GLIS3: variants seen among roughly 807,000 people sequenced by gnomAD.
GLIS3 encodes the protein zinc finger protein GLIS3.
A neutral mutation model predicts 78.6 loss-of-function variants in GLIS3; 53 were observed. That is an observed-to-expected ratio of 0.67 (90% CI 0.54 to 0.85). The LOEUF is 0.85. GLIS3 is among the 40% of genes least tolerant of loss of function. The probability of loss-of-function intolerance (pLI) is 0.00; values close to 1 mark genes in which losing one functional copy is unlikely to be tolerated. For missense variants in GLIS3, 1,703 were observed against 1,231.1 expected (o/e 1.38, Z -5.74); for synonymous variants, 684 against 509.9 (o/e 1.34, Z -4.60).
chr9:4,162,616 T>C lies in GLIS3; in HGVS notation c.389-36675A>G, dbSNP rs1055948265. On this transcript the variant is annotated intron_variant, in intron 2 of 10. Coordinates refer to ENST00000381971, the MANE Select transcript of GLIS3 (RefSeq NM_001042413.2). Reference sequence around the variant, plus strand: ...GGCTCACGCCTGTAATCCCAGCACTTTGGGAGGCCGAGGTGGGCAGATCAC... The same window carrying C: ...GGCTCACGCCTGTAATCCCAGCACTCTGGGAGGCCGAGGTGGGCAGATCAC... Among the ~76,000 whole-genome samples the C allele has an allele frequency of 5.9e-5, 9 of 152,124 alleles. No individual in the cohort carries two copies. The South Asian group carries it at 1.7e-3, about 28-fold the overall frequency.
chr9:3,881,618 T>C (rs1821734405), intron 7 of GLIS3, among the ~76,000 whole-genome samples: 1 of 152,202 alleles, frequency 6.6e-6, no homozygotes. Flanking sequence ...TTAGGACCTC[T>C]CTTTCATCCC....
chr9:3,987,395 C>T (rs1036913478), intron 4 of GLIS3, among the ~76,000 whole-genome samples: 10 of 151,788 alleles, frequency 6.6e-5, no homozygotes, highest in Non-Finnish European at 1.5e-4. Flanking sequence ...AGAGTAGAAC[C>T]GAAAGAGTAT....
chr9:4,060,313 A>G (rs1447035558), intron 4 of GLIS3, among the ~76,000 whole-genome samples: 2 of 152,030 alleles, frequency 1.3e-5, no homozygotes, highest in East Asian at 1.9e-4. Context: ...TTGAACCTCA[A>G]ATCTGGTTCC....
intron 6 of GLIS3, among the ~76,000 whole-genome samples, chr9:3,920,510 C>T (rs1479868311): frequency 2.0e-5 from 3 of 151,350 alleles, no homozygotes; most frequent in Non-Finnish European, 4.4e-5. Context: ...TTCCTCAGTT[C>T]ATTTATGCTA....
chr9:4,246,533 T>C (rs1316536171), intron 2 of GLIS3, among the ~76,000 whole-genome samples: 1 of 152,178 alleles, frequency 6.6e-6, no homozygotes, highest in East Asian at 1.9e-4. Context: ...ATGTCTAATG[T>C]CTCCCTTAAA....
chr9:4,059,372 C>T (rs1826430469), intron 4 of GLIS3, among the ~76,000 whole-genome samples: 3 of 152,224 alleles, frequency 2.0e-5, no homozygotes, highest in African/African-American at 7.2e-5. Flanking sequence ...CTCTGCACTG[C>T]TGCTCTGCTT....
chr9:4,318,761 G>C (rs149350195), intron 2 of GLIS3, among the ~76,000 whole-genome samples: 4 of 152,146 alleles, frequency 2.6e-5, no homozygotes. Context: ...AGATGAAGAT[G>C]ACAGTCTTCA....
chr9:3,876,064 C>T (rs1701790648), intron 8 of GLIS3, among the ~76,000 whole-genome samples: 2 of 152,248 alleles, frequency 1.3e-5, no homozygotes, highest in South Asian at 2.1e-4. Context: ...TTTATTTAAT[C>T]CTAATTCCCC....
chr9:4,276,697 A>C (rs1827065414), intron 2 of GLIS3, among the ~76,000 whole-genome samples: 1 of 152,204 alleles, frequency 6.6e-6, no homozygotes, highest in Non-Finnish European at 1.5e-5. Flanking sequence ...TATAAGACTG[A>C]AACCCCCTTT....
At chr9:4,145,837 G>T (rs1260202988) in intron 2 of GLIS3, among the ~76,000 whole-genome samples, 1 of 151,974 alleles carries the variant, frequency 6.6e-6, no homozygotes, top group Non-Finnish European at 1.5e-5. Flanking sequence ...TCTTCTCTGG[G>T]AAGTGCATAC....
the GLIS3 span, among the ~76,000 whole-genome samples, chr9:4,471,403 G>C: frequency 0.73 from 110,433 of 152,004 alleles, 40,475 homozygotes; most frequent in Middle Eastern, 0.84. Flanking sequence ...GGTACCAAAA[G>C]AGAGATATAG....
rs142278415 is a variant in GLIS3 at position 4,244,495 on chromosome 9, G to C, written c.388+41543C>G. Among the ~76,000 whole-genome samples the C allele has an allele frequency of 5.0e-3, 762 of 152,302 alleles. 8 individuals are homozygous for C. Among genetic ancestry groups the C allele is most frequent in the African/African-American group, 0.018 (731 of 41,564 alleles). On this transcript the variant is annotated intron_variant, in intron 2 of 10. Transcript: ENST00000381971. The stretch of plus-strand genomic sequence containing the variant: ...TATTCTGAAAACTACATTGGAAAGA[G>C]TTTTTTTAAGGTGAACTGCTTTTTT...
chr9:4,139,847 G>A (rs759938629), intron 2 of GLIS3, among the ~76,000 whole-genome samples: 2 of 152,174 alleles, frequency 1.3e-5, no homozygotes, highest in Non-Finnish European at 2.9e-5. Flanking sequence ...GGCGAAGCTT[G>A]GGCTGTAATG....
intron 4 of GLIS3, among the ~76,000 whole-genome samples, chr9:4,061,133 G>A (rs1297237369): frequency 6.6e-6 from 1 of 151,552 alleles, no homozygotes; most frequent in East Asian, 1.9e-4. Context: ...TGTTACATAT[G>A]TATACATGTG....
chr9:4,326,457 ATACTGTGAGATTCCACT>A (rs1817602484), intron 2 of GLIS3, among the ~76,000 whole-genome samples: 1 of 152,224 alleles, frequency 6.6e-6, no homozygotes, highest in African/African-American at 2.4e-5. Context: ...TCACAAAAAA[ATACTGTGAGATTCCACT>A]TACATGAAGT....
At chr9:3,924,746 T>C (rs1187209705) in intron 6 of GLIS3, among the ~76,000 whole-genome samples, 1 of 152,014 alleles carries the variant, frequency 6.6e-6, no homozygotes, top group Non-Finnish European at 1.5e-5. Flanking sequence ...GGAGAGGGAG[T>C]GCCTGAGAAG....
Position 4,118,421 on chromosome 9 carries a change from C to A in GLIS3, c.1057G>T (p.Gly353Cys). 6.2e-7 allele frequency: 1 copy of A among 1,610,318 alleles called. No homozygotes were observed. Among genetic ancestry groups the A allele is most frequent in the South Asian group, 1.1e-5 (1 of 91,056 alleles). Residue 353 changes from glycine (G) to cysteine (C), a missense_variant, in exon 4 of 11, where the codon GGC (glycine) becomes TGC (cysteine). Gly to Cys is a radical substitution (Grantham distance 159, BLOSUM62 -3). Coordinates refer to ENST00000381971, the MANE Select transcript of GLIS3 (RefSeq NM_001042413.2). This position sits in a 1 kb window ranked among gnomAD's most constrained non-coding sequence, Gnocchi z 4.7. ...TGGGGAATGCAGCTGCCGCGCACGC[C>A]CAGGAAATGCCCGTAGACCTCCGGC... ...PQPEVYGHFLGVRGSCIPQPR... is the reference protein window; with the variant it reads ...PQPEVYGHFLCVRGSCIPQPR...
At chr9:4,199,382 G>C (rs1368665435) in intron 2 of GLIS3, among the ~76,000 whole-genome samples, 1 of 151,330 alleles carries the variant, frequency 6.6e-6, no homozygotes, top group Admixed American at 6.6e-5. Context: ...TCACACAAAT[G>C]CAACACAAAA....
chr9:3,856,154 G>C lies in GLIS3; in HGVS notation c.2328C>G (p.His776Gln), dbSNP rs761845139. The C allele has an allele frequency of 5.3e-5, 85 of 1,614,000 alleles. No individual in the cohort carries two copies. Among genetic ancestry groups the C allele is most frequent in the Non-Finnish European group, 6.8e-5 (80 of 1,180,010 alleles). Reference protein sequence around the residue: ...RFAPSAPSPHHISPRRVPAPS... With the variant: ...RFAPSAPSPHQISPRRVPAPS... ...GAGCTGGAACTCTCCGGGGGCTGATGTGGTGAGGAGATGGAGCAGAAGGTG... is the reference window on the plus strand; with the variant it reads ...GAGCTGGAACTCTCCGGGGGCTGATCTGGTGAGGAGATGGAGCAGAAGGTG... Residue 776 changes from histidine (H) to glutamine (Q), a missense_variant, in exon 9 of 11, where the codon CAC becomes CAG. Transcript: ENST00000381971.
Sources: allele counts gnomAD v4.1 joint callset (sites outside exome capture counted in the v4.1 genomes callset), GRCh38; gene constraint gnomAD v4.1.1; non-coding constraint Gnocchi (gnomAD v3.1); transcripts MANE v1.5; gene names NCBI Gene and HGNC (gene_info 2026-07-23, HGNC 2026-07-21).